The following SEC31A variants were observed in gnomAD, a reference collection of about 807,000 sequenced individuals.
The protein encoded by SEC31A is protein transport protein Sec31A.
SEC31A carries 70 observed loss-of-function variants against 151.0 expected under a neutral mutation model. That is an observed-to-expected ratio of 0.46 (90% CI 0.38 to 0.57). SEC31A has a LOEUF of 0.57. Among genes scored for constraint, SEC31A ranks in the 20% least tolerant of loss-of-function variants. SEC31A has a pLI of 0.00. For missense variants in SEC31A, 1,330 were observed against 1,471.2 expected (o/e 0.90, Z 1.57); for synonymous variants, 475 against 505.9 (o/e 0.94, Z 0.82).
At chr4:82,867,971 C>T (rs1372185485) in intron 8 of SEC31A, among the ~76,000 whole-genome samples, 1 of 152,210 alleles carries the variant, frequency 6.6e-6, no homozygotes, top group Non-Finnish European at 1.5e-5. Flanking sequence ...TTAGTGATGT[C>T]CTGTCCAATT....
intron 3 of SEC31A, among the ~76,000 whole-genome samples, chr4:82,897,598 G>A (rs1720118273): frequency 6.6e-6 from 1 of 152,122 alleles, no homozygotes; most frequent in African/African-American, 2.4e-5. Context: ...AATTAGCCAG[G>A]TGTAGTGGTA....
chr4:82,830,499 T>G (rs75035061), intron 22 of SEC31A, among the ~76,000 whole-genome samples: 1 of 152,102 alleles, frequency 6.6e-6, no homozygotes, highest in Non-Finnish European at 1.5e-5. Flanking sequence ...AAAAACAGAA[T>G]TCATTTCTTA....
intron 1 of SEC31A, among the ~76,000 whole-genome samples, chr4:82,890,527 A>G (rs1742104565): frequency 6.6e-6 from 1 of 152,236 alleles, no homozygotes; most frequent in Admixed American, 6.5e-5. Flanking sequence ...TAATTTAACA[A>G]CTTATTAGCA....
At chr4:82,860,177 A>G (rs1319266153) in intron 14 of SEC31A, among the ~76,000 whole-genome samples, 5 of 152,156 alleles carry the variant, frequency 3.3e-5, no homozygotes, top group African/African-American at 9.7e-5. Flanking sequence ...AACGAGATAT[A>G]AGGTCAAAAA....
intron 22 of SEC31A, chr4:82,830,832 G>C: frequency 3.1e-6 from 1 of 327,050 alleles, no homozygotes; most frequent in Non-Finnish European, 5.0e-6. Flanking sequence ...TCAGATTTGG[G>C]ATATCATCAT....
chr4:82,890,912 C>T, intron 1 of SEC31A, 176 bp downstream of exon 1: 1 of 1,413,430 alleles, frequency 7.1e-7, no homozygotes, highest in Non-Finnish European at 9.2e-7. Flanking sequence ...AGTCCAGATG[C>T]CAGGCGTTGT....
rs757000994 is a variant in SEC31A, at chr4:82,854,959, T to G, written c.1952A>C (p.Glu651Ala). Reference sequence around the variant, plus strand: ...ATAAGTCAATACTGCAGCTAAAGCCTCTCTCCAATTTTTAAGATCACAAGA... The same window carrying G: ...ATAAGTCAATACTGCAGCTAAAGCCGCTCTCCAATTTTTAAGATCACAAGA... ...VESCDLKNWR[E>A]ALAAVLTYAK... is the part of the protein sequence containing the mutation. Residue 651 changes from glutamate (E) to alanine (A), a missense_variant, in exon 17 of 27, where the codon GAG becomes GCG. Physicochemically the swap from Glu to Ala is moderately radical, Grantham distance 107. Transcript: ENST00000395310. 6.2e-7 allele frequency: 1 copy of G among 1,613,848 alleles called. No individual in the cohort carries two copies. The highest frequency in any genetic ancestry group is 1.7e-5 in the Admixed American group (1 of 60,010).
chr4:82,891,169 C>T, upstream of SEC31A: 1 of 1,535,368 alleles, frequency 6.5e-7, no homozygotes, highest in Non-Finnish European at 8.7e-7. Context: ...CGCCCCTCCT[C>T]CCCGGCCAGG....
In SEC31A at chr4:82,842,301, G is replaced by A; in HGVS notation, c.2807C>T (p.Thr936Ile). ...AGGGAAAGAAGTAGCAGGGCTGGAG[G>A]TAGGTGAAGAGGCCTGGTGCTGTGC... The part of the protein sequence containing the change: ...YAAQHQASSP[T>I]SSPATSFPPP... The change falls in exon 22 of 27, where the codon ACC becomes ATC. Residue 936 changes from threonine to isoleucine, a missense_variant. Thr to Ile is a moderately conservative substitution (Grantham distance 89). Coordinates refer to ENST00000395310, the MANE Select transcript of SEC31A (RefSeq NM_001077207.4). 1 of 1,613,686 alleles carries A rather than the reference G, an allele frequency of 6.2e-7. No homozygotes were observed. Among genetic ancestry groups the A allele is most frequent in the Non-Finnish European group, 8.5e-7 (1 of 1,179,824 alleles).
At chr4:82,849,530 C>T (rs537278958) in intron 19 of SEC31A, among the ~76,000 whole-genome samples, 3 of 146,236 alleles carry the variant, frequency 2.1e-5, no homozygotes, top group Non-Finnish European at 3.0e-5. Flanking sequence ...AGAAGAATGG[C>T]GTGAACCAGG....
At chr4:82,851,697 C>T (rs901570714) in intron 18 of SEC31A, 93 bp from the exon 19 acceptor site, 62 of 1,107,318 alleles carry the variant, frequency 5.6e-5, no homozygotes, top group Non-Finnish European at 7.7e-5. Context: ...TTTCTAAAAC[C>T]CACTAAAAAT....
intron 3 of SEC31A, among the ~76,000 whole-genome samples, chr4:82,897,489 T>C (rs547412056): frequency 1.3e-5 from 2 of 152,246 alleles, no homozygotes; most frequent in South Asian, 2.1e-4. Context: ...GAAATAAATA[T>C]TGTTTAAGAA....
intron 1 of SEC31A, 34 bp from the exon 2 acceptor site, chr4:82,881,974 A>G: frequency 6.8e-7 from 1 of 1,471,152 alleles, no homozygotes; most frequent in Non-Finnish European, 9.5e-7. Flanking sequence ...AACAGCCTTG[A>G]ATGACTTGAA....
At chr4:82,864,280 A>T in intron 11 of SEC31A, 82 bp downstream of exon 11, 2 of 962,296 alleles carry the variant, frequency 2.1e-6, no homozygotes, top group Non-Finnish European at 3.2e-6. Context: ...TTGTTTCTTT[A>T]ATAGGAGGAC....
rs113035416 is a variant in SEC31A, at chr4:82,838,964, G to A, written c.2968+3176C>T. ...ATTGTTATCTAAGACATATCGGAAC[G>A]ACAAAATTTTTGTTTATAATTATTA... On this transcript the variant is annotated intron_variant, in intron 22 of 26. Transcript: ENST00000395310. 5.9e-3 allele frequency among the ~76,000 whole-genome samples: 891 copies of A among 152,174 alleles called. 4 individuals are homozygous for A. The highest frequency in any genetic ancestry group is 0.02 in the Middle Eastern group (6 of 294).
chr4:82,836,641 T>C (rs1336106109), intron 22 of SEC31A, among the ~76,000 whole-genome samples: 1 of 152,114 alleles, frequency 6.6e-6, no homozygotes, highest in Non-Finnish European at 1.5e-5. Flanking sequence ...ATGATTCTAC[T>C]TATATAAGGT....
At chr4:82,874,474 C>A in intron 6 of SEC31A, 137 bp downstream of exon 6, 1 of 787,662 alleles carries the variant, frequency 1.3e-6, no homozygotes. Context: ...CAAAACATTC[C>A]TTCTAACATG....
intron 22 of SEC31A, chr4:82,829,557 C>G (rs1725438223): frequency 6.6e-6 from 1 of 152,208 alleles, no homozygotes; most frequent in Non-Finnish European, 1.5e-5. Flanking sequence ...TAGAAATATT[C>G]TTAAGAAAAA....
intron 20 of SEC31A, among the ~76,000 whole-genome samples, chr4:82,846,992 G>A (rs779096078): frequency 1.3e-4 from 20 of 152,224 alleles, no homozygotes; most frequent in Non-Finnish European, 2.5e-4. Flanking sequence ...AGGGATTACA[G>A]GCGTGAGCCA....
Sources: allele counts gnomAD v4.1 joint callset (sites outside exome capture counted in the v4.1 genomes callset), GRCh38; gene constraint gnomAD v4.1.1; transcripts MANE v1.5; gene names NCBI Gene and HGNC (gene_info 2026-07-23, HGNC 2026-07-21).